SNX16: variants seen among roughly 807,000 people sequenced by gnomAD.
SNX16 encodes sorting nexin-16.
SNX16 carries 35 observed loss-of-function variants against 36.7 expected under a neutral mutation model. That is an observed-to-expected ratio of 0.95 (90% CI 0.73 to 1.27). The LOEUF is 1.27. Ranked by LOEUF, SNX16 falls within the 50% of genes most tolerant of loss-of-function variation. The probability of loss-of-function intolerance (pLI) is 0.00; values close to 1 mark genes in which losing one functional copy is unlikely to be tolerated. For synonymous variants in SNX16, 134 were observed against 132.0 expected, an observed-to-expected ratio of 1.02 and a Z score of -0.10; for missense variants, 367 against 393.6, an observed-to-expected ratio of 0.93 and a Z score of 0.57.
chr8:81,811,246 C>T (rs993672939), intron 5 of SNX16, among the ~76,000 whole-genome samples: 1 of 152,092 alleles, frequency 6.6e-6, no homozygotes, highest in African/African-American at 2.4e-5. Context: ...AATGATCTAG[C>T]CAGGATTTAA....
Position 81,823,840 on chromosome 8 carries a change from A to G in SNX16, c.563T>C (p.Leu188Ser). ...ADFLEDRQLG[L>S]QAFLQNLVAH... ...TACTAAATTTTGAAGAAACGCTTGTAATCCTAATTGTCTGTCTTCTAAAAA... is the reference window on the plus strand; with the variant it reads ...TACTAAATTTTGAAGAAACGCTTGTGATCCTAATTGTCTGTCTTCTAAAAA... The change falls in exon 4 of 8, where the codon TTA becomes TCA. Residue 188 changes from leucine to serine, a missense_variant. Coordinates refer to ENST00000345957, the MANE Select transcript of SNX16 (RefSeq NM_152836.3). The G allele has an allele frequency of 6.2e-7, 1 of 1,611,866 alleles. No individual in the cohort carries two copies. Among genetic ancestry groups the G allele is most frequent in the Admixed American group, 1.7e-5 (1 of 59,750 alleles).
At chr8:81,819,491 G>A (rs886630820) in intron 4 of SNX16, among the ~76,000 whole-genome samples, 2 of 152,044 alleles carry the variant, frequency 1.3e-5, no homozygotes, top group Admixed American at 6.6e-5. Context: ...ATTCTTTAAA[G>A]TGCAGTTCAA....
At position 81,805,760 on chromosome 8, in the gene SNX16, A is replaced by T. The variant is rs563397219; in HGVS notation, c.682-2532T>A. ...CAGTGAAACCCCGTCTCTACTAAAAAATACAAAAAAATTAGCTGGGCGTGG... is the reference window on the plus strand; with the variant it reads ...CAGTGAAACCCCGTCTCTACTAAAATATACAAAAAAATTAGCTGGGCGTGG... On this transcript the variant is annotated intron_variant, in intron 5 of 7. Transcript: ENST00000345957. Among the ~76,000 whole-genome samples the T allele has an allele frequency of 4.3e-4, 66 of 152,176 alleles. 1 individual carries two copies. The highest frequency in any genetic ancestry group is 1.5e-3 in the African/African-American group (64 of 41,516).
intron 5 of SNX16, among the ~76,000 whole-genome samples, chr8:81,806,765 T>C (rs2600599): frequency 1.3e-5 from 2 of 151,882 alleles, no homozygotes; most frequent in African/African-American, 4.8e-5. Context: ...ATTACCGATA[T>C]GGAAAATCCA....
At chr8:81,833,471 T>A (rs1811357581) in intron 2 of SNX16, among the ~76,000 whole-genome samples, 1 of 152,106 alleles carries the variant, frequency 6.6e-6, no homozygotes, top group South Asian at 2.1e-4. Flanking sequence ...CTCTTTAAAG[T>A]CAGCAGAAGG....
chr8:81,801,697 T>A, intron 7 of SNX16, 104 bp from the exon 8 acceptor site: 4 of 429,408 alleles, frequency 9.3e-6, no homozygotes, highest in East Asian at 3.6e-5. Context: ...TTATAGAAAA[T>A]TTACATACTT....
At chr8:81,838,373 T>A (rs901590754) in intron 2 of SNX16, among the ~76,000 whole-genome samples, 19 of 152,150 alleles carry the variant, frequency 1.2e-4, no homozygotes, top group Admixed American at 1.1e-3. Flanking sequence ...AAAGCTAAAG[T>A]ACATACACTG....
chr8:81,840,712 T>C (rs938415551), intron 1 of SNX16, among the ~76,000 whole-genome samples: 8 of 152,150 alleles, frequency 5.3e-5, no homozygotes, highest in African/African-American at 1.9e-4. Context: ...CAAAATTAAA[T>C]AGTGAAAATT....
intron 5 of SNX16, among the ~76,000 whole-genome samples, chr8:81,812,296 A>T (rs774472): frequency 0.4 from 61,188 of 151,700 alleles, 13,068 homozygotes; most frequent in African/African-American, 0.49. Flanking sequence ...TTTGATATAA[A>T]ACATTAATCT....
At chr8:81,815,498 G>T in intron 4 of SNX16, 104 bp from the exon 5 acceptor site, 1 of 782,772 alleles carries the variant, frequency 1.3e-6, no homozygotes, top group Non-Finnish European at 2.0e-6. Context: ...AAACAAGTTG[G>T]TTATGTGTTT....
chr8:81,811,055 A>G (rs1280991640), intron 5 of SNX16, among the ~76,000 whole-genome samples: 2 of 152,238 alleles, frequency 1.3e-5, no homozygotes, highest in African/African-American at 4.8e-5. Flanking sequence ...CTGTCTTGCA[A>G]GAAGAAAGAA....
At position 81,839,877 on chromosome 8, in the gene SNX16, G is replaced by C. The variant is rs1426820248; in HGVS notation, c.110C>G (p.Ser37Ter). The C allele has an allele frequency of 6.2e-7, 1 of 1,613,936 alleles. No homozygotes were observed. The highest frequency in any genetic ancestry group is 1.7e-5 in the Admixed American group (1 of 60,014). ...SSSFGSVSTS[S>*]NSSKGQLEDS... ...TTCTAACTGGCCCTTAGAAGAATTT[G>C]AGCTTGTTGAGACACTGCCAAAAGA... Residue 37 changes from serine to a stop codon, truncating the protein, a stop_gained, in exon 2 of 8, where the codon TCA becomes TGA. Coordinates refer to ENST00000345957, the MANE Select transcript of SNX16 (RefSeq NM_152836.3). LOFTEE classifies it high-confidence loss of function.
chr8:81,835,497 T>C (rs1811455625), intron 2 of SNX16, among the ~76,000 whole-genome samples: 1 of 152,238 alleles, frequency 6.6e-6, no homozygotes, highest in South Asian at 2.1e-4. Flanking sequence ...TTTTATGCTG[T>C]GCTTCCGTTA....
At chr8:81,820,331 C>T (rs1482642809) in intron 4 of SNX16, among the ~76,000 whole-genome samples, 2 of 152,002 alleles carry the variant, frequency 1.3e-5, no homozygotes, top group African/African-American at 2.4e-5. Flanking sequence ...GATGAACTAC[C>T]TTATGCTCCA....
intron 3 of SNX16, among the ~76,000 whole-genome samples, chr8:81,825,287 A>G (rs1264743218): frequency 1.3e-5 from 2 of 152,212 alleles, no homozygotes; most frequent in Non-Finnish European, 2.9e-5. Context: ...ACTGACACAC[A>G]TTGTCAAATC....
intron 2 of SNX16, among the ~76,000 whole-genome samples, chr8:81,839,272 A>G (rs1303182960): frequency 6.6e-6 from 1 of 152,174 alleles, no homozygotes; most frequent in Non-Finnish European, 1.5e-5. Flanking sequence ...CCATTTAGAT[A>G]AAGTACAAAA....
At chr8:81,810,345 T>A (rs1810180053) in intron 5 of SNX16, among the ~76,000 whole-genome samples, 1 of 152,116 alleles carries the variant, frequency 6.6e-6, no homozygotes, top group Admixed American at 6.6e-5. Flanking sequence ...GGTTAAAGAT[T>A]TGCCGAACTG....
At chr8:81,823,649 G>C in intron 4 of SNX16, 143 bp downstream of exon 4, 1 of 605,722 alleles carries the variant, frequency 1.7e-6, no homozygotes. Context: ...AAAATCTCTT[G>C]TAGTACTTTG....
chr8:81,817,609 A>C, intron 4 of SNX16, among the ~76,000 whole-genome samples: 1 of 152,218 alleles, frequency 6.6e-6, no homozygotes, highest in Non-Finnish European at 1.5e-5. Context: ...GTTAATTTAC[A>C]TAAAACCTTT....
Sources: allele counts gnomAD v4.1 joint callset (sites outside exome capture counted in the v4.1 genomes callset), GRCh38; gene constraint gnomAD v4.1.1; transcripts MANE v1.5; gene names NCBI Gene and HGNC (gene_info 2026-07-23, HGNC 2026-07-21).